Variants in CALN1 observed in about 807,000 individuals in gnomAD.
The protein encoded by CALN1 is calcium-binding protein 8.
CALN1 carries 17 observed loss-of-function variants against 30.6 expected under a neutral mutation model. That is an observed-to-expected ratio of 0.56 (90% CI 0.38 to 0.83). The LOEUF (loss-of-function observed/expected upper bound fraction) is 0.83. CALN1 is among the 40% of genes least tolerant of loss of function. CALN1 has a pLI of 0.00. For synonymous variants in CALN1, 156 were observed against 131.4 expected (o/e 1.19, Z -1.28); for missense variants, 291 against 354.9 (o/e 0.82, Z 1.45).
intron 3 of CALN1, among the ~76,000 whole-genome samples, chr7:72,115,781 C>T (rs576476826): frequency 3.9e-5 from 6 of 151,990 alleles, no homozygotes; most frequent in Non-Finnish European, 7.4e-5. Context: ...TCACCGTGCC[C>T]GGCCATATAC....
chr7:72,124,492 T>G (rs1265803842), intron 3 of CALN1, among the ~76,000 whole-genome samples: 1 of 151,982 alleles, frequency 6.6e-6, no homozygotes, highest in Admixed American at 6.6e-5. Context: ...ATTTTAAAAA[T>G]TAACTGGGCA....
intron 3 of CALN1, among the ~76,000 whole-genome samples, chr7:72,221,153 T>C (rs1388442808): frequency 6.6e-6 from 1 of 152,080 alleles, no homozygotes; most frequent in East Asian, 1.9e-4. Context: ...AAACATGATG[T>C]TGGCGAAAGG....
chr7:72,235,557 T>C (rs1014946651), intron 3 of CALN1, among the ~76,000 whole-genome samples: 5 of 152,060 alleles, frequency 3.3e-5, no homozygotes, highest in Admixed American at 1.3e-4. Flanking sequence ...CACTCTGCTG[T>C]GCAGCAGAGA....
At chr7:72,314,168 AG>A (rs1296970208) in intron 2 of CALN1, among the ~76,000 whole-genome samples, 1 of 152,114 alleles carries the variant, frequency 6.6e-6, no homozygotes, top group African/African-American at 2.4e-5. Flanking sequence ...CACAGAATCA[AG>A]GGGCCCTCTG....
At chr7:72,360,487 A>G (rs373270540) in intron 2 of CALN1, among the ~76,000 whole-genome samples, 2 of 151,904 alleles carry the variant, frequency 1.3e-5, no homozygotes, top group Admixed American at 6.6e-5. Context: ...AGATGCATAC[A>G]AAAAAATGGG....
chr7:72,294,418 C>T (rs1399310236), intron 2 of CALN1, among the ~76,000 whole-genome samples: 1 of 151,988 alleles, frequency 6.6e-6, no homozygotes, highest in Admixed American at 6.6e-5. Flanking sequence ...CTTCTATGTA[C>T]CATATCATAG....
chr7:72,195,177 C>G (rs1360465744), intron 3 of CALN1, among the ~76,000 whole-genome samples: 1 of 152,170 alleles, frequency 6.6e-6, no homozygotes, highest in African/African-American at 2.4e-5. Flanking sequence ...AGACACTCCA[C>G]TCACCTAATA....
intron 2 of CALN1, among the ~76,000 whole-genome samples, chr7:72,396,149 G>A (rs1805922728): frequency 6.7e-6 from 1 of 148,348 alleles, no homozygotes; most frequent in Non-Finnish European, 1.5e-5. Flanking sequence ...TGTAATCCTA[G>A]CACTTGGGAA....
At chr7:71,946,053 T>C (rs1796391509) in intron 5 of CALN1, among the ~76,000 whole-genome samples, 1 of 152,196 alleles carries the variant, frequency 6.6e-6, no homozygotes, top group Non-Finnish European at 1.5e-5. Context: ...CTTTAGGGAC[T>C]GCATCTGGTG....
chr7:72,367,488 G>GGT (rs891766622), intron 2 of CALN1, among the ~76,000 whole-genome samples: 1 of 152,030 alleles, frequency 6.6e-6, no homozygotes, highest in Non-Finnish European at 1.5e-5. Context: ...TTAACGGTGT[G>GGT]GTGGTGCATG....
chr7:72,331,673 T>C (rs1801688676), intron 2 of CALN1, among the ~76,000 whole-genome samples: 1 of 152,198 alleles, frequency 6.6e-6, no homozygotes, highest in Admixed American at 6.5e-5. Flanking sequence ...TTATTTTTTT[T>C]CCAACTGTTA....
chr7:72,379,402 G>A (rs1445162532), intron 2 of CALN1, among the ~76,000 whole-genome samples: 1 of 152,234 alleles, frequency 6.6e-6, no homozygotes. Context: ...ATAGCTAACA[G>A]TTATAGGGTG....
intron 5 of CALN1, among the ~76,000 whole-genome samples, chr7:71,858,163 T>C (rs1354383506): frequency 6.6e-6 from 1 of 152,144 alleles, no homozygotes; most frequent in Non-Finnish European, 1.5e-5. Context: ...GTCCTCATGA[T>C]AGTGAGTTCT....
chr7:72,344,070 A>T (rs1029486828), intron 2 of CALN1, among the ~76,000 whole-genome samples: 2 of 152,114 alleles, frequency 1.3e-5, no homozygotes, highest in African/African-American at 4.8e-5. Context: ...TTAGAGACAG[A>T]GTCTCACTCT....
At chr7:72,425,839 G>T (rs778342811) in intron 1 of CALN1, among the ~76,000 whole-genome samples, 4 of 152,272 alleles carry the variant, frequency 2.6e-5, no homozygotes, top group Non-Finnish European at 5.9e-5. Context: ...AGAGTCCCAC[G>T]TCTAAGCTGC....
At chr7:72,476,577 T>C in the CALN1 span, among the ~76,000 whole-genome samples, 2 of 152,192 alleles carry the variant, frequency 1.3e-5, no homozygotes, top group African/African-American at 4.8e-5. Context: ...AGTGGAATTC[T>C]ACTAGACATA....
chr7:72,193,209 A>G (rs1475546072), intron 3 of CALN1, among the ~76,000 whole-genome samples: 1 of 151,846 alleles, frequency 6.6e-6, no homozygotes, highest in African/African-American at 2.4e-5. Context: ...AAAGAGAAAA[A>G]AAAAAATTAG....
chr7:71,947,249 G>C (rs890557681), intron 5 of CALN1, among the ~76,000 whole-genome samples: 1 of 152,064 alleles, frequency 6.6e-6, no homozygotes, highest in Admixed American at 6.6e-5. Context: ...GACCTCAGGC[G>C]ATCTGCCCAC....
chr7:71,823,182 CTCTCT>C (rs1584299986), intron 5 of CALN1, among the ~76,000 whole-genome samples: 1 of 146,474 alleles, frequency 6.8e-6, no homozygotes, highest in Admixed American at 6.9e-5. Flanking sequence ...CTCCGTCTCT[CTCTCT>C]TTTTTTTTTT....
Sources: gnomAD v4.1 joint callset for allele counts (sites outside exome capture counted in the v4.1 genomes callset) on GRCh38, gnomAD v4.1.1 for gene constraint, MANE v1.5 for transcripts, NCBI Gene and HGNC (gene_info 2026-07-23, HGNC 2026-07-21) for gene names.